The following TNS2 variants were observed in gnomAD, a reference collection of about 807,000 sequenced individuals.
The protein encoded by TNS2 is tensin-2.
TNS2 carries 77 observed loss-of-function variants against 155.7 expected under a neutral mutation model. That is an observed-to-expected ratio of 0.49 (90% CI 0.41 to 0.60). The LOEUF (loss-of-function observed/expected upper bound fraction) is 0.60. Ranked by LOEUF, TNS2 falls within the 20% of genes least tolerant of loss-of-function variation. The pLI, the probability that TNS2 is intolerant of heterozygous loss-of-function variation, is 0.00. For missense variants in TNS2, 1,703 were observed against 1,868.8 expected (o/e 0.91, Z 1.64); for synonymous variants, 726 against 763.9 (o/e 0.95, Z 0.82).
At position 53,059,681 on chromosome 12, in the gene TNS2, G is replaced by C. The variant is rs765499208; in HGVS notation, c.2040G>C (p.Glu680Asp). ...GCTACCGGGAGGTGGTCATCCTGGA[G>C]GACCCTGGGCTGCCTGCCCTATACC... ...APGYREVVIL[E>D]DPGLPALYPC... Residue 680 changes from glutamate to aspartate, a missense_variant, in exon 18 of 29, where the codon GAG becomes GAC. Transcript: ENST00000314250. This position sits in a 1 kb window ranked among gnomAD's most constrained non-coding sequence, Gnocchi z 4.7. 54 of 1,613,140 alleles carry C rather than the reference G, an allele frequency of 3.3e-5. No individual in the cohort carries two copies. The highest frequency in any genetic ancestry group is 1.6e-4 in the Middle Eastern group (1 of 6,084).
In TNS2 at chr12:53,062,546, G is replaced by A. The variant is rs547642195; in HGVS notation, c.3746-74G>A. The A allele has an allele frequency of 5.1e-4, 825 of 1,608,166 alleles. 10 individuals carry two copies. The South Asian group carries it at 8.6e-3, about 17-fold the overall frequency. On this transcript the variant is annotated intron_variant, in intron 24 of 28. Transcript: ENST00000314250. ...TCTTGGCTCCCCGCCTTCCCTTGGG[G>A]AAGCAGAGGGAGTGCTCCAGCCTGG...
In TNS2 at chr12:53,050,344, C is replaced by A. The variant is rs896259798; in HGVS notation, c.75+84C>A. 4 of 1,427,796 alleles carry A rather than the reference C, an allele frequency of 2.8e-6. No homozygotes were observed. In the African/African-American group the frequency reaches 4.3e-5, roughly 15 times the overall value. The allele number at this position is 1,427,796 out of a possible 1,614,324, so 88.4% of individuals were successfully genotyped here. On this transcript the variant is annotated intron_variant, in intron 1 of 28. Transcript: ENST00000314250. The surrounding 1 kb of genome is among the most constrained non-coding windows in gnomAD (Gnocchi z 4.7). ...GGAGGGGACCAGGAATCAGGCCAGG[C>A]CTTCTTCCCAATTTCAGCTTCCTCA...
chr12:53,052,636 C>A, intron 3 of TNS2, 144 bp downstream of exon 3: 1 of 1,113,888 alleles, frequency 9.0e-7, no homozygotes, highest in Non-Finnish European at 1.3e-6. Flanking sequence ...GGGAGGGGTG[C>A]TGTACTGGGC....
In TNS2 at chr12:53,056,639, CCAAT is replaced by C. The variant is rs200292390; in HGVS notation, c.762-371_762-368del. Among the ~76,000 whole-genome samples, 468 of 152,278 alleles carry C rather than the reference CCAAT, an allele frequency of 3.1e-3. 5 individuals carry two copies. The highest frequency in any genetic ancestry group is 0.022 in the Admixed American group (330 of 15,286). On this transcript the variant is annotated intron_variant, in intron 10 of 28. Transcript: ENST00000314250. ...CTCTTCCTCTCTTCTTATAAGGACA[CCAAT>C]CATATTGGATTCAGGGTCCACCCTC... is the stretch of plus-strand genomic sequence containing the variant.
chr12:53,059,920 C>A lies in TNS2; in HGVS notation c.2279C>A (p.Ala760Glu). Residue 760 changes from alanine to glutamate, a missense_variant, in exon 18 of 29, where the codon GCA becomes GAA. Physicochemically the swap from Ala to Glu is moderately radical, Grantham distance 107. Transcript: ENST00000314250. This position sits in a 1 kb window ranked among gnomAD's most constrained non-coding sequence, Gnocchi z 4.7. The part of the protein sequence containing the change: ...PDYSCLKPPK[A>E]GEEGHEGCSY... The stretch of plus-strand genomic sequence containing the variant: ...TACAGCTGCCTGAAGCCACCCAAGG[C>A]AGGCGAGGAAGGGCACGAGGGCTGC... 6.2e-7 allele frequency: 1 copy of A among 1,611,340 alleles called. No individual in the cohort carries two copies. Among genetic ancestry groups the A allele is most frequent in the Non-Finnish European group, 8.5e-7 (1 of 1,178,674 alleles).
Position 53,063,432 on chromosome 12 carries a change from A to T in TNS2, c.4061+15A>T. On this transcript the variant is annotated intron_variant, in intron 27 of 28. Transcript: ENST00000314250. This position sits in a 1 kb window ranked among gnomAD's most constrained non-coding sequence, Gnocchi z 5.6. ...CAAGACCGGAGGTGACTCTCCCTCCAAACCCTTTGCCCCAAATCCCCATGG... is the reference window on the plus strand; with the variant it reads ...CAAGACCGGAGGTGACTCTCCCTCCTAACCCTTTGCCCCAAATCCCCATGG... The T allele has an allele frequency of 6.2e-7, 1 of 1,613,610 alleles. No homozygotes were observed. Among genetic ancestry groups the T allele is most frequent in the Non-Finnish European group, 8.5e-7 (1 of 1,179,966 alleles).
In TNS2 at chr12:53,054,120, C is replaced by T. The variant is rs1164128792; in HGVS notation, c.350+106C>T. The stretch of plus-strand genomic sequence containing the variant: ...CAGAGCTCCCCGGGACAGCCCCCCA[C>T]CCCCAAAGCGGTATTCTCCCTCCAG... On this transcript the variant is annotated intron_variant, in intron 6 of 28. Coordinates refer to ENST00000314250, the MANE Select transcript of TNS2 (RefSeq NM_170754.4). The T allele has an allele frequency of 3.2e-6, 5 of 1,568,390 alleles. No individual in the cohort carries two copies. In the Admixed American group the frequency reaches 8.6e-5, roughly 27 times the overall value.
At position 53,057,466 on chromosome 12, in the gene TNS2, T is replaced by C. The variant is rs1302027638; in HGVS notation, c.846-101T>C. 4 of 899,790 alleles carry C rather than the reference T, an allele frequency of 4.4e-6. No individual in the cohort carries two copies. The African/African-American group carries it at 5.0e-5, about 11-fold the overall frequency. The allele number at this position is 899,790 out of a possible 1,614,324, so 55.7% of individuals were successfully genotyped here. A position where few individuals can be genotyped will look rare whatever the true frequency, so the allele number is the denominator to read the frequency against. ...TGACCCGGAAGATGGGAAGGAAGTG[T>C]TGAGCAGAAGAGCGAGCCTTCTAAG... is the stretch of plus-strand genomic sequence containing the variant. On this transcript the variant is annotated intron_variant, in intron 11 of 28. Coordinates refer to ENST00000314250, the MANE Select transcript of TNS2 (RefSeq NM_170754.4).
At position 53,053,836 on chromosome 12, in the gene TNS2, G is replaced by A. The variant is rs772213619; in HGVS notation, c.300+24G>A. 4.3e-6 allele frequency: 7 copies of A among 1,613,552 alleles called. No homozygotes were observed. In the East Asian group the frequency reaches 6.7e-5, roughly 15 times the overall value. ...TGGTAAGGTGATGCTGGAGCAGGAG[G>A]GGGAAGCAGGTAGCTTTGGGAGTAA... On this transcript the variant is annotated intron_variant, in intron 5 of 28. Transcript: ENST00000314250.
At chr12:53,052,750 C>T (rs1463795034) in intron 3 of TNS2, among the ~76,000 whole-genome samples, 2 of 118,948 alleles carry the variant, frequency 1.7e-5, no homozygotes, top group Non-Finnish European at 3.3e-5. Flanking sequence ...CTGCAGCTGG[C>T]GAGAGGATGG....
In TNS2 at chr12:53,055,215, C is replaced by T. The variant is rs751769315; in HGVS notation, c.552C>T (p.Asp184=). ...TCAACCTTTCAGAGAAAAGGCATGA[C>T]CTGACCCGCTTAAACCCCAAGGTAT... ...LLFNLSEKRH[D]LTRLNPKVQD... is the part of the protein sequence containing the mutation. The change falls in exon 8 of 29, where the codon GAC becomes GAT. Residue 184 remains aspartate, a synonymous_variant. Coordinates refer to ENST00000314250, the MANE Select transcript of TNS2 (RefSeq NM_170754.4). 4.3e-6 allele frequency: 7 copies of T among 1,614,082 alleles called. No homozygotes were observed. The highest frequency in any genetic ancestry group is 5.1e-6 in the Non-Finnish European group (6 of 1,179,996).
At chr12:53,056,644 C>T (rs1400506120) in intron 10 of TNS2, among the ~76,000 whole-genome samples, 2 of 151,288 alleles carry the variant, frequency 1.3e-5, no homozygotes, top group Non-Finnish European at 2.9e-5. Flanking sequence ...GGACACCAAT[C>T]ATATTGGATT....
At chr12:53,047,545 G>C (rs1220686339), upstream of TNS2, among the ~76,000 whole-genome samples, 3 of 150,440 alleles carry the variant, frequency 2.0e-5, no homozygotes, top group Non-Finnish European at 4.4e-5. Flanking sequence ...GGAGAGCTGG[G>C]AGCAGCGGGA....
chr12:53,056,966 G>C, intron 10 of TNS2, 47 bp from the exon 11 acceptor site: 2 of 1,568,930 alleles, frequency 1.3e-6, no homozygotes, highest in South Asian at 2.3e-5. Flanking sequence ...GGGAGGCCAG[G>C]ATGAAGATTA....
chr12:53,058,221 C>T lies in TNS2; in HGVS notation c.1096-95C>T, dbSNP rs576271174. On this transcript the variant is annotated intron_variant, in intron 14 of 28. Coordinates refer to ENST00000314250, the MANE Select transcript of TNS2 (RefSeq NM_170754.4). ...GCGAGTAGGGAGATCACCTTGAGAT[C>T]GAGGCAGGGCAGAAGCTGTGACCAG... The T allele has an allele frequency of 5.6e-6, 9 of 1,602,914 alleles. No individual in the cohort carries two copies. In the South Asian group the frequency reaches 6.7e-5, roughly 12 times the overall value.
chr12:53,054,461 G>A lies in TNS2; in HGVS notation c.522+20G>A, dbSNP rs961394033. ...TACCTGGTGAGGGGCGGGGCCATCAGGAGTCCGCCAATGAGAGGGATGTAG... is the reference window on the plus strand; with the variant it reads ...TACCTGGTGAGGGGCGGGGCCATCAAGAGTCCGCCAATGAGAGGGATGTAG... On this transcript the variant is annotated intron_variant, in intron 7 of 28. Coordinates refer to ENST00000314250, the MANE Select transcript of TNS2 (RefSeq NM_170754.4). 6.3e-7 allele frequency: 1 copy of A among 1,582,076 alleles called. No homozygotes were observed. Among genetic ancestry groups the A allele is most frequent in the Non-Finnish European group, 8.6e-7 (1 of 1,168,168 alleles).
In TNS2 at chr12:53,050,371, C is replaced by G. The variant is rs1378883734; in HGVS notation, c.75+111C>G. On this transcript the variant is annotated intron_variant, in intron 1 of 28. Coordinates refer to ENST00000314250, the MANE Select transcript of TNS2 (RefSeq NM_170754.4). This position sits in a 1 kb window ranked among gnomAD's most constrained non-coding sequence, Gnocchi z 4.7. ...TTCTTCCCAATTTCAGCTTCCTCAG[C>G]CTTCTTCCCTGGCCCAGCATCCCCT... 7.9e-7 allele frequency: 1 copy of G among 1,268,650 alleles called. No homozygotes were observed. The highest frequency in any genetic ancestry group is 1.5e-5 in the African/African-American group (1 of 66,666). 78.6% of individuals were successfully genotyped at this position (1,268,650 alleles called of 1,614,324 possible).
At position 53,063,925 on chromosome 12, in the gene TNS2, T is replaced by A. The variant is rs1396612645; in HGVS notation, c.*43T>A. 1 of 1,601,980 alleles carries A rather than the reference T, an allele frequency of 6.2e-7. No homozygotes were observed. The highest frequency in any genetic ancestry group is 8.5e-7 in the Non-Finnish European group (1 of 1,172,618). On this transcript the variant is annotated 3_prime_UTR_variant, in exon 29 of 29. Coordinates refer to ENST00000314250, the MANE Select transcript of TNS2 (RefSeq NM_170754.4). The surrounding 1 kb of genome is among the most constrained non-coding windows in gnomAD (Gnocchi z 5.6). ...AGAGCCCACATCAACACTGCCCCCC[T>A]CCCAGCACCCCACAGCCCTCACATC...
At chr12:53,055,283 C>A (rs756788985) in intron 8 of TNS2, 47 bp downstream of exon 8, 33 of 1,583,240 alleles carry the variant, frequency 2.1e-5, no homozygotes, top group Non-Finnish European at 2.8e-5. Context: ...GCCACCCCAA[C>A]CCCAGAAGCC....
Sources: gnomAD v4.1 joint callset for allele counts (sites outside exome capture counted in the v4.1 genomes callset) on GRCh38, gnomAD v4.1.1 for gene constraint, Gnocchi (gnomAD v3.1) non-coding constraint, MANE v1.5 for transcripts, NCBI Gene and HGNC (gene_info 2026-07-23, HGNC 2026-07-21) for gene names.